SEPSECS: variants seen among roughly 807,000 people sequenced by gnomAD.
SEPSECS encodes the protein Sep (O-phosphoserine) tRNA:Sec (selenocysteine) tRNA synthase, also known as O-phosphoseryl-tRNA(Sec) selenium transferase.
In SEPSECS, 42 loss-of-function variants were observed where a neutral mutation model predicts 52.1. The observed-to-expected ratio is 0.81, with a 90% CI of 0.63 to 1.04. The LOEUF is 1.04. Among genes scored for constraint, SEPSECS ranks in the 50% least tolerant of loss-of-function variants. The probability of loss-of-function intolerance (pLI) is 0.00; values close to 1 mark genes in which losing one functional copy is unlikely to be tolerated. For missense variants in SEPSECS, 590 were observed against 610.6 expected, an observed-to-expected ratio of 0.97 and a Z score of 0.36; for synonymous variants, 216 against 211.4, an observed-to-expected ratio of 1.02 and a Z score of -0.19.
chr4:25,122,974 A>C lies in SEPSECS; in HGVS notation c.*957T>G, dbSNP rs775968559. 8.5e-5 allele frequency: 13 copies of C among 152,168 alleles called. No homozygotes were observed. The highest frequency in any genetic ancestry group is 1.5e-4 in the Non-Finnish European group (10 of 68,026). The allele number at this position is 152,168 out of a possible 1,614,324, so 9.4% of individuals were successfully genotyped here. A position where few individuals can be genotyped will look rare whatever the true frequency, so the allele number is the denominator to read the frequency against. ...TGCACAACATCTGAACAAACTAACCAATATATGCAGGCTGCTTAAAGCAAA... is the reference window on the plus strand; with the variant it reads ...TGCACAACATCTGAACAAACTAACCCATATATGCAGGCTGCTTAAAGCAAA... On this transcript the variant is annotated 3_prime_UTR_variant, in exon 11 of 11. Coordinates refer to ENST00000382103, the MANE Select transcript of SEPSECS (RefSeq NM_016955.4).
Position 25,159,250 on chromosome 4 carries a change from T to G in SEPSECS, c.115-143A>C, listed in dbSNP as rs943485333. On this transcript the variant is annotated intron_variant, in intron 1 of 10. Coordinates refer to ENST00000382103, the MANE Select transcript of SEPSECS (RefSeq NM_016955.4). Reference sequence around the variant, plus strand: ...ATTCAAGCATAAATTCACCACTGTATAGAGACCGCAAAGAGGCAAAACGTT... The same window carrying G: ...ATTCAAGCATAAATTCACCACTGTAGAGAGACCGCAAAGAGGCAAAACGTT... 3 of 693,542 alleles carry G rather than the reference T, an allele frequency of 4.3e-6. No individual in the cohort carries two copies. The African/African-American group carries it at 5.4e-5, about 13-fold the overall frequency. The allele number at this position is 693,542 out of a possible 1,614,324, so 43.0% of individuals were successfully genotyped here.
At chr4:25,134,124 CAAAAAAAAA>C (rs34672005) in intron 8 of SEPSECS, among the ~76,000 whole-genome samples, 2 of 13,176 alleles carry the variant, frequency 1.5e-4, no homozygotes, top group African/African-American at 5.6e-4. Context: ...GACCCCATCT[CAAAAAAAAA>C]AAAAAAAAAA....
rs2109022332 is a variant in SEPSECS, at chr4:25,145,131, C to A, written c.807G>T (p.Gly269=). 1 of 1,613,714 alleles carries A rather than the reference C, an allele frequency of 6.2e-7. No individual in the cohort carries two copies. Among genetic ancestry groups the A allele is most frequent in the Non-Finnish European group, 8.5e-7 (1 of 1,179,874 alleles). Residue 269 remains glycine, a splice_region_variant and synonymous_variant, in exon 7 of 11, where the codon GGG becomes GGT. Transcript: ENST00000382103. ...AAGCATCTATTCTACCAACTCGAGC[C>A]CCCTGGAATCAATATGATATTACAT... ...SSKCMHLIQQ[G]ARVGRIDAFV... is the part of the protein sequence containing the mutation.
chr4:25,152,825 A>C (rs1180072358), intron 5 of SEPSECS, among the ~76,000 whole-genome samples: 1 of 152,002 alleles, frequency 6.6e-6, no homozygotes, highest in African/African-American at 2.4e-5. Flanking sequence ...TCTTCATGCT[A>C]TGAAACTAAA....
At chr4:25,142,079 C>A (rs1711588225) in intron 8 of SEPSECS, among the ~76,000 whole-genome samples, 1 of 152,196 alleles carries the variant, frequency 6.6e-6, no homozygotes, top group Non-Finnish European at 1.5e-5. Context: ...GAGTTCAAGA[C>A]CAGCCTGGCC....
chr4:25,139,922 C>T (rs1728992615), intron 8 of SEPSECS, among the ~76,000 whole-genome samples: 1 of 152,214 alleles, frequency 6.6e-6, no homozygotes, highest in Admixed American at 6.5e-5. Flanking sequence ...TTTACTGCTT[C>T]ATCTCACAGC....
At chr4:25,154,843 T>C (rs1425025180) in intron 5 of SEPSECS, among the ~76,000 whole-genome samples, 155 bp downstream of exon 5, 1 of 152,220 alleles carries the variant, frequency 6.6e-6, no homozygotes, top group Non-Finnish European at 1.5e-5. Flanking sequence ...TTTCCCAAGC[T>C]GTTAATGCTA....
chr4:25,152,114 A>ATGAT, intron 5 of SEPSECS, 52 bp from the exon 6 acceptor site: 1 of 1,104,628 alleles, frequency 9.1e-7, no homozygotes. Flanking sequence ...TGTTTTATAA[A>ATGAT]TGATAGTGCA....
At chr4:25,145,336 A>T (rs1711898694) in intron 6 of SEPSECS, among the ~76,000 whole-genome samples, 1 of 152,232 alleles carries the variant, frequency 6.6e-6, no homozygotes, top group Non-Finnish European at 1.5e-5. Flanking sequence ...CTACCTTAGA[A>T]TAAAAATAAA....
At chr4:25,156,525 AG>A (rs776461232) in intron 3 of SEPSECS, among the ~76,000 whole-genome samples, 104 of 151,680 alleles carry the variant, frequency 6.9e-4, no homozygotes, top group Admixed American at 2.0e-3. Flanking sequence ...TAACACGGTG[AG>A]ACCCCCGTCT....
At chr4:25,160,512 A>C, upstream of SEPSECS, 2 of 663,798 alleles carry the variant, frequency 3.0e-6, no homozygotes, top group South Asian at 2.0e-5. Context: ...ACAAAACAAA[A>C]AAAACACTTC....
intron 8 of SEPSECS, among the ~76,000 whole-genome samples, chr4:25,141,791 C>T (rs1711564752): frequency 6.6e-6 from 1 of 152,168 alleles, no homozygotes. Context: ...ATCAGCCCCA[C>T]CCTCATTACC....
intron 1 of SEPSECS, chr4:25,159,561 C>A: frequency 2.4e-6 from 1 of 421,060 alleles, no homozygotes; most frequent in Non-Finnish European, 4.8e-6. Context: ...CACTTGAAGT[C>A]AGGAGTTTGA....
chr4:25,158,446 C>T (rs2109038083), intron 2 of SEPSECS, among the ~76,000 whole-genome samples: 1 of 152,006 alleles, frequency 6.6e-6, no homozygotes, highest in South Asian at 2.1e-4. Flanking sequence ...TGCAATAATG[C>T]AAAAGAAAAA....
chr4:25,160,478 G>A (rs1172595534), upstream of SEPSECS: 2 of 876,802 alleles, frequency 2.3e-6, no homozygotes, highest in South Asian at 1.6e-5. Flanking sequence ...CAGCGCCTTG[G>A]GACAAAAAAC....
intron 3 of SEPSECS, 117 bp downstream of exon 3, chr4:25,156,737 AAG>A: frequency 1.9e-6 from 1 of 529,438 alleles, no homozygotes. Context: ...AAAAAAAAAG[AAG>A]TCTTTTCAAA....
At position 25,156,128 on chromosome 4, in the gene SEPSECS, G is replaced by A. The variant is rs759331348; in HGVS notation, c.456C>T (p.Phe152=). 9 of 1,613,888 alleles carry A rather than the reference G, an allele frequency of 5.6e-6. 1 individual carries two copies. The South Asian group carries it at 9.9e-5, about 18-fold the overall frequency. The change falls in exon 4 of 11, where the codon TTC becomes TTT. Residue 152 remains phenylalanine (F), a synonymous_variant. Transcript: ENST00000382103. ...TTGGTCTTTTGTGTCGTAATGTTAA[G>A]AAACACAGAGTTAGACTCATACCAG... ...MATGMSLTLC[F]LTLRHKRPKA... is the part of the protein sequence containing the mutation.
In SEPSECS at chr4:25,154,879, C is replaced by T. The variant is rs976825132; in HGVS notation, c.701+119G>A. ...TTTCTCCACAAGGTCAATCTATTCT[C>T]TTAGAACAGACCATTCACCTATTTA... On this transcript the variant is annotated intron_variant, in intron 5 of 10. Transcript: ENST00000382103. The T allele has an allele frequency of 2.4e-5, 26 of 1,066,568 alleles. No individual in the cohort carries two copies. The African/African-American group carries it at 4.0e-4, about 16-fold the overall frequency. The allele number at this position is 1,066,568 out of a possible 1,614,324, so 66.1% of individuals were successfully genotyped here.
intron 6 of SEPSECS, among the ~76,000 whole-genome samples, chr4:25,146,185 C>G (rs1198893972): frequency 6.6e-6 from 1 of 152,178 alleles, no homozygotes; most frequent in African/African-American, 2.4e-5. Context: ...TATTCACAAT[C>G]TGTATTCCTA....
Sources: gnomAD v4.1 joint callset for allele counts (sites outside exome capture counted in the v4.1 genomes callset) on GRCh38, gnomAD v4.1.1 for gene constraint, MANE v1.5 for transcripts, NCBI Gene and HGNC (gene_info 2026-07-23, HGNC 2026-07-21) for gene names.